Variants in CIT observed in about 807,000 individuals in gnomAD.
The protein encoded by CIT is citron Rho-interacting kinase.
Under a neutral mutation model 272.7 loss-of-function variants are expected in CIT, and 79 were observed. The ratio of observed to expected loss-of-function variants is 0.29; its 90% confidence interval spans 0.24 to 0.35. CIT has a LOEUF of 0.35. CIT is among the 10% of genes least tolerant of loss of function. The probability of loss-of-function intolerance (pLI) is 1.00; values close to 1 mark genes in which losing one functional copy is unlikely to be tolerated. For missense variants in CIT, 1,909 were observed against 2,618.3 expected, an observed-to-expected ratio of 0.73 and a Z score of 5.91; for synonymous variants, 948 against 995.6, an observed-to-expected ratio of 0.95 and a Z score of 0.90.
chr12:119,757,290 T>C (rs1157759481), intron 22 of CIT, 81 bp downstream of exon 22: 26 of 1,538,768 alleles, frequency 1.7e-5, no homozygotes, highest in Admixed American at 8.8e-5. Context: ...TGTATAGATA[T>C]TGATTTGTGC....
rs34256172 is a variant in CIT, at chr12:119,850,375, T to TAA, written c.415-102_415-101dup. On this transcript the variant is annotated intron_variant, in intron 4 of 47. Coordinates refer to ENST00000392521, the MANE Select transcript of CIT (RefSeq NM_001206999.2). ...ATGCCTAAACTGATGTTTCTAGCTT[T>TAA]AAAAAAAAAAAAAGGCAAAGGAAAG... 0.25 allele frequency: 70,384 copies of TAA among 280,796 alleles called. 10,430 individuals carry two copies. The highest frequency in any genetic ancestry group is 0.56 in the African/African-American group (22,024 of 39,524). 17.4% of individuals were successfully genotyped at this position (280,796 alleles called of 1,614,324 possible).
At chr12:119,740,374 CAATA>C (rs1958998721) in intron 24 of CIT, among the ~76,000 whole-genome samples, 1 of 152,102 alleles carries the variant, frequency 6.6e-6, no homozygotes, top group Non-Finnish European at 1.5e-5. Context: ...GTCATGAATA[CAATA>C]AATATTTTGT....
chr12:119,793,421 C>T (rs1965483022), intron 10 of CIT, among the ~76,000 whole-genome samples: 1 of 152,186 alleles, frequency 6.6e-6, no homozygotes, highest in Non-Finnish European at 1.5e-5. Flanking sequence ...ACTCTTGTCC[C>T]TCACTATCCA....
Position 119,772,920 on chromosome 12 carries a change from G to C in CIT, c.1942-10C>G, listed in dbSNP as rs145415520. 2.5e-6 allele frequency: 4 copies of C among 1,607,608 alleles called. No individual in the cohort carries two copies. The highest frequency in any genetic ancestry group is 2.7e-5 in the African/African-American group (2 of 74,386). ...TGCTGGCTTTTACAGCCTAGGAAGA[G>C]AGAAGGAAAAGGAGATAGGTGGGCA... On this transcript the variant is annotated splice_polypyrimidine_tract_variant and intron_variant, in intron 16 of 47. Coordinates refer to ENST00000392521, the MANE Select transcript of CIT (RefSeq NM_001206999.2).
intron 8 of CIT, among the ~76,000 whole-genome samples, chr12:119,823,355 C>T (rs1398132734): frequency 1.3e-5 from 2 of 152,188 alleles, no homozygotes; most frequent in African/African-American, 4.8e-5. Context: ...CTCCTTTCTG[C>T]ATGTTCCCTC....
intron 9 of CIT, among the ~76,000 whole-genome samples, chr12:119,817,169 G>A (rs917175077): frequency 1.3e-5 from 2 of 152,142 alleles, no homozygotes; most frequent in Non-Finnish European, 2.9e-5. Context: ...CTGTATGTGG[G>A]GAAGAGATCA....
At chr12:119,704,821 G>A (rs968484367) in intron 40 of CIT, among the ~76,000 whole-genome samples, 3 of 152,320 alleles carry the variant, frequency 2.0e-5, no homozygotes, top group East Asian at 3.9e-4. Flanking sequence ...GCTGGAGACA[G>A]AATCTTTTGA....
At chr12:119,693,993 C>T (rs1188131971) in intron 46 of CIT, among the ~76,000 whole-genome samples, 1 of 152,182 alleles carries the variant, frequency 6.6e-6, no homozygotes, top group Non-Finnish European at 1.5e-5. Flanking sequence ...TTATAATAAT[C>T]CAGAAGATTA....
intron 28 of CIT, among the ~76,000 whole-genome samples, chr12:119,725,203 ATT>A (rs1475294678): frequency 5.3e-5 from 8 of 152,072 alleles, no homozygotes; most frequent in Non-Finnish European, 1.0e-4. Flanking sequence ...TGGGCGGATC[ATT>A]TGAGGCCAGG....
At chr12:119,735,545 C>T (rs1401266501) in intron 24 of CIT, among the ~76,000 whole-genome samples, 188 bp from the exon 25 acceptor site, 1 of 152,130 alleles carries the variant, frequency 6.6e-6, no homozygotes, top group Non-Finnish European at 1.5e-5. Flanking sequence ...TAAACACGAG[C>T]AGTGGAAGAA....
In CIT at chr12:119,694,672, C is replaced by T. The variant is rs1956131908; in HGVS notation, c.5882+2987G>A. ...TACAAAAATTAGCCAGGTGTGGTGGCGGGCGCCTGTAGTCCCAGCTACTCG... is the reference window on the plus strand; with the variant it reads ...TACAAAAATTAGCCAGGTGTGGTGGTGGGCGCCTGTAGTCCCAGCTACTCG... On this transcript the variant is annotated intron_variant, in intron 46 of 47. Coordinates refer to ENST00000392521, the MANE Select transcript of CIT (RefSeq NM_001206999.2). This position sits in a 1 kb window ranked among gnomAD's most constrained non-coding sequence, Gnocchi z 4.5. Among the ~76,000 whole-genome samples the T allele has an allele frequency of 6.6e-6, 1 of 151,792 alleles. No individual in the cohort carries two copies. The highest frequency in any genetic ancestry group is 1.5e-5 in the Non-Finnish European group (1 of 67,954).
intron 7 of CIT, among the ~76,000 whole-genome samples, chr12:119,828,681 G>A (rs1330292050): frequency 1.3e-5 from 2 of 151,840 alleles, no homozygotes; most frequent in Non-Finnish European, 2.9e-5. Context: ...TCCTGCCTCA[G>A]CCTCCCGAAT....
At position 119,708,485 on chromosome 12, in the gene CIT, T is replaced by A. The variant is rs183814898; in HGVS notation, c.5072-167A>T. On this transcript the variant is annotated intron_variant, in intron 39 of 47. Coordinates refer to ENST00000392521, the MANE Select transcript of CIT (RefSeq NM_001206999.2). ...CATTTTAGGTCCATGATTTATTTAT[T>A]TTTTTTTTTTAAATTTTTGAGACAG... Among the ~76,000 whole-genome samples, 3 of 150,312 alleles carry A rather than the reference T, an allele frequency of 2.0e-5. No homozygotes were observed. The East Asian group carries it at 5.8e-4, about 29-fold the overall frequency.
At chr12:119,709,325 G>A (rs1957035225) in intron 39 of CIT, among the ~76,000 whole-genome samples, 1 of 151,828 alleles carries the variant, frequency 6.6e-6, no homozygotes, top group South Asian at 2.1e-4. Context: ...TGTCAATGTA[G>A]GTTCACTGAC....
At position 119,834,171 on chromosome 12, in the gene CIT, G is replaced by T. The variant is rs138095441; in HGVS notation, c.574C>A (p.Gln192Lys). The change falls in exon 6 of 48, where the codon CAG becomes AAG. Residue 192 changes from glutamine (Q) to lysine (K), a missense_variant. Physicochemically the swap from Gln to Lys is moderately conservative, Grantham distance 53. This residue lies in a region of CIT where 529 missense variants were observed against 549.6 expected (regional missense o/e 0.96). Coordinates refer to ENST00000392521, the MANE Select transcript of CIT (RefSeq NM_001206999.2). ...LLSLLNRYEDQLDENLIQFYL... is the reference protein window; with the variant it reads ...LLSLLNRYEDKLDENLIQFYL... ...AACTGTATCAGGTTTTCATCTAACT[G>T]GTCCTCATATCTATTCAAAAGTGAC... is the stretch of plus-strand genomic sequence containing the variant. 7 of 1,613,790 alleles carry T rather than the reference G, an allele frequency of 4.3e-6. No individual in the cohort carries two copies. The South Asian group carries it at 7.7e-5, about 18-fold the overall frequency.
chr12:119,832,591 C>T (rs893478528), intron 7 of CIT, among the ~76,000 whole-genome samples, 180 bp downstream of exon 7: 1 of 152,308 alleles, frequency 6.6e-6, no homozygotes, highest in Admixed American at 6.5e-5. Flanking sequence ...TTAACAGGCA[C>T]TATAAATAAA....
chr12:119,781,355 A>G (rs1480965917), intron 13 of CIT, among the ~76,000 whole-genome samples: 2 of 152,252 alleles, frequency 1.3e-5, no homozygotes, highest in Non-Finnish European at 2.9e-5. Context: ...CTCCAAAGAC[A>G]GTAATTCTTT....
chr12:119,788,286 A>C (rs1779748972), intron 10 of CIT, among the ~76,000 whole-genome samples: 1 of 152,202 alleles, frequency 6.6e-6, no homozygotes, highest in South Asian at 2.1e-4. Flanking sequence ...AATGCTTGGC[A>C]TGGCCTTGAG....
At chr12:119,829,344 A>AAGAAGAGAAGAGAAG (rs58685524) in intron 7 of CIT, among the ~76,000 whole-genome samples, 10,764 of 133,324 alleles carry the variant, frequency 0.081, 662 homozygotes, top group African/African-American at 0.12. Flanking sequence ...CTTGAAAGAA[A>AAGAAGAGAAGAGAAG]AGAAGAGAAG....
Sources: gnomAD v4.1 joint callset for allele counts (sites outside exome capture counted in the v4.1 genomes callset) on GRCh38, gnomAD v4.1.1 for gene constraint, gnomAD v4.1.1 regional missense constraint, Gnocchi (gnomAD v3.1) non-coding constraint, MANE v1.5 for transcripts, NCBI Gene and HGNC (gene_info 2026-07-23, HGNC 2026-07-21) for gene names.